The following PLD5 variants were observed in gnomAD, a reference collection of about 807,000 sequenced individuals.
PLD5 encodes the protein inactive phospholipase D5.
In PLD5, 36 loss-of-function variants were observed where a neutral mutation model predicts 61.1. That is an observed-to-expected ratio of 0.59 (90% CI 0.45 to 0.78). PLD5 has a LOEUF of 0.78. Among genes scored for constraint, PLD5 ranks in the 30% least tolerant of loss-of-function variants. PLD5 has a pLI of 0.00. For missense variants in PLD5, 515 were observed against 644.4 expected, an observed-to-expected ratio of 0.80 and a Z score of 2.17; for synonymous variants, 243 against 242.8, an observed-to-expected ratio of 1.00 and a Z score of -0.01.
At chr1:242,352,979 T>G (rs1229806200) in intron 1 of PLD5, among the ~76,000 whole-genome samples, 1 of 152,196 alleles carries the variant, frequency 6.6e-6, no homozygotes, top group Non-Finnish European at 1.5e-5. Flanking sequence ...TTTCTCCTAA[T>G]CCCTAGGTTG....
intron 1 of PLD5, among the ~76,000 whole-genome samples, chr1:242,470,334 T>C (rs1369939038): frequency 7.1e-6 from 1 of 140,536 alleles, no homozygotes; most frequent in Non-Finnish European, 1.5e-5. Context: ...AGAGCGACAC[T>C]CGGTCTCAAA....
intron 5 of PLD5, among the ~76,000 whole-genome samples, chr1:242,151,403 T>G (rs1664917773): frequency 6.6e-6 from 1 of 151,942 alleles, no homozygotes. Context: ...TTTTTTCTAA[T>G]TTTGGAAGAG....
At chr1:242,363,100 CT>C (rs1265894324) in intron 1 of PLD5, among the ~76,000 whole-genome samples, 1 of 152,084 alleles carries the variant, frequency 6.6e-6, no homozygotes, top group East Asian at 1.9e-4. Flanking sequence ...CTCCTTGAGT[CT>C]TCAGCTGAGT....
intron 1 of PLD5, among the ~76,000 whole-genome samples, chr1:242,502,319 C>G (rs555506452): frequency 1.8e-4 from 27 of 152,282 alleles, no homozygotes; most frequent in African/African-American, 5.5e-4. Context: ...AGTGATCCAG[C>G]CTTAGTCCTC....
At chr1:242,196,714 T>G (rs1186311192) in intron 5 of PLD5, among the ~76,000 whole-genome samples, 2 of 152,194 alleles carry the variant, frequency 1.3e-5, no homozygotes, top group African/African-American at 4.8e-5. Context: ...GAAATACATT[T>G]AAGCAATGTG....
At chr1:242,251,453 G>A (rs968083129) in intron 4 of PLD5, among the ~76,000 whole-genome samples, 6 of 152,204 alleles carry the variant, frequency 3.9e-5, no homozygotes, top group African/African-American at 1.4e-4. Context: ...GTTCAAAGCT[G>A]AAGAAAGGTC....
chr1:242,330,614 C>G (rs1371687078), intron 2 of PLD5, among the ~76,000 whole-genome samples: 1 of 152,144 alleles, frequency 6.6e-6, no homozygotes, highest in Non-Finnish European at 1.5e-5. Flanking sequence ...GTATCTCTAG[C>G]ATTAGCACAG....
chr1:242,388,371 C>G (rs776175629), intron 1 of PLD5, among the ~76,000 whole-genome samples: 2 of 152,122 alleles, frequency 1.3e-5, no homozygotes, highest in Non-Finnish European at 2.9e-5. Flanking sequence ...ACATTTTCCC[C>G]TAGCTACTTT....
intron 4 of PLD5, among the ~76,000 whole-genome samples, chr1:242,263,071 A>T (rs1354978766): frequency 6.6e-6 from 1 of 152,082 alleles, no homozygotes; most frequent in Non-Finnish European, 1.5e-5. Flanking sequence ...GGGGAGCAAA[A>T]GGAACAGGAA....
chr1:242,467,594 G>A (rs2134685), intron 1 of PLD5, among the ~76,000 whole-genome samples: 105,565 of 152,064 alleles, frequency 0.69, 37,503 homozygotes, highest in African/African-American at 0.85. Context: ...AGAAAATGGA[G>A]CTAGCAGAGT....
chr1:242,461,280 T>A (rs1340643140), intron 1 of PLD5, among the ~76,000 whole-genome samples: 1 of 152,122 alleles, frequency 6.6e-6, no homozygotes, highest in Non-Finnish European at 1.5e-5. Context: ...CTCTGCCATA[T>A]CCCCCTTGAT....
chr1:242,246,452 C>T (rs1388138278), intron 4 of PLD5, among the ~76,000 whole-genome samples: 4 of 147,934 alleles, frequency 2.7e-5, no homozygotes, highest in African/African-American at 2.5e-5. Flanking sequence ...TTTTCAGCCC[C>T]CACCCTATAC....
intron 1 of PLD5, among the ~76,000 whole-genome samples, chr1:242,371,624 A>G (rs370674400): frequency 1.3e-4 from 20 of 151,780 alleles, no homozygotes; most frequent in African/African-American, 2.7e-4. Context: ...AAATCTCCCA[A>G]TGCTCCCTGA....
intron 7 of PLD5, among the ~76,000 whole-genome samples, chr1:242,109,749 G>A (rs1308605120): frequency 6.6e-6 from 1 of 151,888 alleles, no homozygotes; most frequent in Non-Finnish European, 1.5e-5. Flanking sequence ...TGAATATTTT[G>A]AATTATAAGT....
chr1:242,119,547 G>T lies in PLD5; in HGVS notation c.933+4921C>A, dbSNP rs12041068. 7.4e-4 allele frequency among the ~76,000 whole-genome samples: 113 copies of T among 152,242 alleles called. 1 individual carries two copies. In the East Asian group the frequency reaches 0.02, roughly 27 times the overall value. On this transcript the variant is annotated intron_variant, in intron 6 of 9. Transcript: ENST00000536534. ...TGGGCAAAAGATTTCATATTTGATA[G>T]ATATTTTGTGTCTCTTCTTTAAAGA...
At chr1:242,408,655 A>G (rs560271113) in intron 1 of PLD5, among the ~76,000 whole-genome samples, 8 of 152,344 alleles carry the variant, frequency 5.3e-5, no homozygotes, top group African/African-American at 1.7e-4. Flanking sequence ...GATGTCATGC[A>G]TCAGGTACAG....
intron 5 of PLD5, among the ~76,000 whole-genome samples, chr1:242,147,822 CTG>C (rs554574438): frequency 4.4e-4 from 67 of 152,244 alleles, no homozygotes; most frequent in Non-Finnish European, 7.5e-4. Flanking sequence ...TGGGATGTGT[CTG>C]TTCACATATT....
chr1:242,153,160 G>A (rs776361667), intron 5 of PLD5, among the ~76,000 whole-genome samples: 1 of 151,930 alleles, frequency 6.6e-6, no homozygotes, highest in Non-Finnish European at 1.5e-5. Context: ...GTATTCTTTT[G>A]AGAAGTGTCT....
rs549480534 is a variant in PLD5 at position 242,085,129 on chromosome 1, A to G, written c.*4725T>C. 5.3e-5 allele frequency: 8 copies of G among 152,300 alleles called. No homozygotes were observed. In the South Asian group the frequency reaches 1.7e-3, roughly 32 times the overall value. 9.4% of individuals were successfully genotyped at this position (152,300 alleles called of 1,614,324 possible). ...ATATGTCCAGGTACAAGTTTATCCT[A>G]TTTACATAAAGGAACATTAAAAATT... On this transcript the variant is annotated 3_prime_UTR_variant, in exon 10 of 10. Transcript: ENST00000536534.
Sources: allele counts gnomAD v4.1 joint callset (sites outside exome capture counted in the v4.1 genomes callset), GRCh38; gene constraint gnomAD v4.1.1; transcripts MANE v1.5; gene names NCBI Gene and HGNC (gene_info 2026-07-23, HGNC 2026-07-21).